The following NMS variants were observed in gnomAD, a reference collection of about 807,000 sequenced individuals.
NMS encodes neuromedin-S.
A neutral mutation model predicts 32.2 loss-of-function variants in NMS; 30 were observed. The observed-to-expected ratio is 0.93, with a 90% CI of 0.70 to 1.26. The LOEUF is 1.26. Ranked by LOEUF, NMS falls within the 50% of genes most tolerant of loss-of-function variation. NMS has a pLI of 0.00. For missense variants in NMS, 190 were observed against 186.3 expected, an observed-to-expected ratio of 1.02 and a Z score of -0.12; for synonymous variants, 76 against 58.5, an observed-to-expected ratio of 1.30 and a Z score of -1.37.
At chr2:100,482,109 T>C (rs1345708945) in intron 8 of NMS, among the ~76,000 whole-genome samples, 168 bp from the exon 9 acceptor site, 1 of 152,166 alleles carries the variant, frequency 6.6e-6, no homozygotes, top group East Asian at 1.9e-4. Flanking sequence ...ACCTACGGAC[T>C]AGCGCTAGCA....
chr2:100,481,474 G>A lies in NMS; in HGVS notation c.414+307G>A, dbSNP rs1030201894. 5.9e-5 allele frequency among the ~76,000 whole-genome samples: 9 copies of A among 152,148 alleles called. No individual in the cohort carries two copies. In the East Asian group the frequency reaches 1.2e-3, roughly 20 times the overall value. On this transcript the variant is annotated intron_variant, in intron 8 of 9. Transcript: ENST00000376865. Reference sequence around the variant, plus strand: ...TTTAGAGCATTAAGGTCTAGGATTCGTGACCCCAAAAACACATGGCAGGAG... The same window carrying A: ...TTTAGAGCATTAAGGTCTAGGATTCATGACCCCAAAAACACATGGCAGGAG...
At chr2:100,478,603 T>C (rs1420767288) in intron 5 of NMS, among the ~76,000 whole-genome samples, 2 of 152,140 alleles carry the variant, frequency 1.3e-5, no homozygotes, top group Non-Finnish European at 2.9e-5. Flanking sequence ...TAGCTGGGAC[T>C]ACAAGCACGT....
Position 100,472,814 on chromosome 2 carries a change from T to C in NMS, c.96T>C (p.Ala32=), listed in dbSNP as rs370538159. 10 of 1,610,438 alleles carry C rather than the reference T, an allele frequency of 6.2e-6. No individual in the cohort carries two copies. The East Asian group carries it at 1.1e-4, about 18-fold the overall frequency. The change falls in exon 2 of 10, where the codon GCT becomes GCC. Residue 32 remains alanine, a synonymous_variant. Coordinates refer to ENST00000376865, the MANE Select transcript of NMS (RefSeq NM_001011717.1). ...CAATAGGATTTCCTCAACCTTTAGC[T>C]GATCCTTCAGATGGCTTGGATATTG... is the stretch of plus-strand genomic sequence containing the variant. ...IPSSGFPQPL[A]DPSDGLDIVQ... is the part of the protein sequence containing the mutation.
At chr2:100,472,652 C>T (rs986418550) in intron 1 of NMS, 143 bp from the exon 2 acceptor site, 3 of 571,654 alleles carry the variant, frequency 5.2e-6, no homozygotes, top group African/African-American at 3.7e-5. Context: ...CAGATCAGAT[C>T]TTACTTTCCC....
intron 8 of NMS, 63 bp from the exon 9 acceptor site, chr2:100,482,214 A>G: frequency 3.4e-6 from 5 of 1,488,894 alleles, no homozygotes; most frequent in Non-Finnish European, 4.7e-6. Context: ...GAAGAGCGGA[A>G]TCAAGATACA....
At position 100,472,855 on chromosome 2, in the gene NMS, C is replaced by A. The variant is rs370227541; in HGVS notation, c.132+5C>A. 5 of 1,595,198 alleles carry A rather than the reference C, an allele frequency of 3.1e-6. No individual in the cohort carries two copies. The highest frequency in any genetic ancestry group is 1.7e-5 in the Admixed American group (1 of 59,680). ...TTGGATATTGTGCAGCTTGAGGTAC[C>A]CAATTATTCAGTAATGTGAGATTTT... On this transcript the variant is annotated splice_donor_5th_base_variant and intron_variant, in intron 2 of 9. Transcript: ENST00000376865.
chr2:100,475,995 T>A, intron 3 of NMS, among the ~76,000 whole-genome samples: 1 of 80,348 alleles, frequency 1.2e-5, no homozygotes, highest in Non-Finnish European at 2.4e-5. Flanking sequence ...CGAGACCCTA[T>A]CTCCAAAAAA....
Position 100,482,266 on chromosome 2 carries a change from T to C in NMS, c.415-11T>C, listed in dbSNP as rs1677233562. On this transcript the variant is annotated splice_polypyrimidine_tract_variant and intron_variant, in intron 8 of 9. Transcript: ENST00000376865. ...GTCTCAGTATTCATAAGTTGCTCCT[T>C]TTTTTTTCAGCCCAGGAATGGAAGA... 1 of 1,612,802 alleles carries C rather than the reference T, an allele frequency of 6.2e-7. No individual in the cohort carries two copies. The highest frequency in any genetic ancestry group is 1.7e-5 in the Admixed American group (1 of 59,952).
chr2:100,483,175 A>G, intron 9 of NMS, 77 bp from the exon 10 acceptor site: 2 of 1,316,140 alleles, frequency 1.5e-6, no homozygotes, highest in Non-Finnish European at 2.2e-6. Context: ...ATGTTACATA[A>G]TAACCTGCCC....
At chr2:100,479,249 T>C (rs1677169734) in intron 5 of NMS, 104 bp from the exon 6 acceptor site, 2 of 766,900 alleles carry the variant, frequency 2.6e-6, no homozygotes, top group Non-Finnish European at 3.9e-6. Context: ...TAAACCCATT[T>C]GTAAGGGAAG....
At chr2:100,474,257 A>G (rs1677063770) in intron 3 of NMS, among the ~76,000 whole-genome samples, 1 of 152,210 alleles carries the variant, frequency 6.6e-6, no homozygotes, top group South Asian at 2.1e-4. Context: ...TGAAGGTACA[A>G]AAGGGTGGTA....
At chr2:100,476,897 C>T (rs987620584) in intron 3 of NMS, among the ~76,000 whole-genome samples, 1 of 152,126 alleles carries the variant, frequency 6.6e-6, no homozygotes, top group Admixed American at 6.5e-5. Context: ...CACTCTGCGG[C>T]AAATTAAAAA....
intron 6 of NMS, among the ~76,000 whole-genome samples, chr2:100,480,138 C>T (rs888406730): frequency 6.6e-6 from 1 of 152,200 alleles, no homozygotes; most frequent in Admixed American, 6.5e-5. Flanking sequence ...ATTCTTACAC[C>T]AGTTTCACAG....
intron 3 of NMS, among the ~76,000 whole-genome samples, chr2:100,475,126 T>A (rs1441625221): frequency 6.6e-6 from 1 of 152,172 alleles, no homozygotes. Flanking sequence ...TTTTTCCAAG[T>A]CTATCCCATT....
Position 100,480,361 on chromosome 2 carries a change from G to A in NMS, c.337-135G>A, listed in dbSNP as rs533821059. The A allele has an allele frequency of 5.4e-5, 45 of 832,770 alleles. No homozygotes were observed. In the African/African-American group the frequency reaches 7.6e-4, roughly 14 times the overall value. The allele number at this position is 832,770 out of a possible 1,614,324, so 51.6% of individuals were successfully genotyped here. On this transcript the variant is annotated intron_variant, in intron 6 of 9. Coordinates refer to ENST00000376865, the MANE Select transcript of NMS (RefSeq NM_001011717.1). ...CGGCAGTGATCCCACCATTTGCCAT[G>A]CTCTCCACCTCCTCTTTTGCACCAG...
intron 9 of NMS, among the ~76,000 whole-genome samples, chr2:100,483,008 C>T (rs1352741648): frequency 6.6e-5 from 10 of 152,192 alleles, no homozygotes; most frequent in African/African-American, 2.4e-4. Context: ...TGGCAGTACC[C>T]AGCAAACACA....
chr2:100,477,497 A>C, intron 5 of NMS, 83 bp downstream of exon 5: 4 of 1,044,316 alleles, frequency 3.8e-6, no homozygotes, highest in Non-Finnish European at 5.8e-6. Flanking sequence ...TGTGCAGACA[A>C]GTAGAAAAGC....
rs1677131111 is a variant in NMS at position 100,477,341 on chromosome 2, C to T, written c.208-20C>T. ...AGCAAGTGACACTCGATACTAATAT[C>T]ACTTTCTTTTCTTATTTAGTTTTTG... is the stretch of plus-strand genomic sequence containing the variant. On this transcript the variant is annotated intron_variant, in intron 4 of 9. Transcript: ENST00000376865. 6.2e-7 allele frequency: 1 copy of T among 1,612,048 alleles called. No homozygotes were observed. The highest frequency in any genetic ancestry group is 1.1e-5 in the South Asian group (1 of 90,982).
chr2:100,479,074 A>G (rs1195147427), intron 5 of NMS, among the ~76,000 whole-genome samples: 2 of 152,228 alleles, frequency 1.3e-5, no homozygotes, highest in Admixed American at 6.5e-5. Context: ...GCTCCGCTCC[A>G]GGAGCAGAGT....
Sources: gnomAD v4.1 joint callset for allele counts (sites outside exome capture counted in the v4.1 genomes callset) on GRCh38, gnomAD v4.1.1 for gene constraint, MANE v1.5 for transcripts, NCBI Gene and HGNC (gene_info 2026-07-23, HGNC 2026-07-21) for gene names.